SLC16A10: variants seen among roughly 807,000 people sequenced by gnomAD.
SLC16A10 encodes the protein solute carrier family 16 member 10.
Under a neutral mutation model 40.0 loss-of-function variants are expected in SLC16A10, and 27 were observed. That is an observed-to-expected ratio of 0.67 (90% CI 0.50 to 0.93). The LOEUF (loss-of-function observed/expected upper bound fraction) is 0.93, where lower values mean the gene tolerates loss of function less well. Among genes scored for constraint, SLC16A10 ranks in the 40% least tolerant of loss-of-function variants. SLC16A10 has a pLI of 0.00. For missense variants in SLC16A10, 529 were observed against 658.2 expected (o/e 0.80, Z 2.15); for synonymous variants, 213 against 249.8 (o/e 0.85, Z 1.39).
Position 111,222,011 on chromosome 6 carries a change from C to T in SLC16A10, c.1324C>T (p.Arg442Cys), listed in dbSNP as rs774929205. The change falls in exon 6 of 6, where the codon CGT (arginine) becomes TGT (cysteine). Residue 442 changes from arginine to cysteine, a missense_variant. Transcript: ENST00000368851. ...GCTTTTTCCCTTCTCAGGGTTACTT[C>T]GTGACAAACTGGGCTCCTATGATGT... The part of the protein sequence containing the change: ...TVGPPIAGLL[R>C]DKLGSYDVAF... 10 of 1,603,878 alleles carry T rather than the reference C, an allele frequency of 6.2e-6. No individual in the cohort carries two copies. The highest frequency in any genetic ancestry group is 1.8e-5 in the Admixed American group (1 of 56,842).
chr6:111,127,658 G>A (rs1482160318), intron 1 of SLC16A10, among the ~76,000 whole-genome samples: 1 of 152,180 alleles, frequency 6.6e-6, no homozygotes, highest in Non-Finnish European at 1.5e-5. Context: ...GTTCTTGCTG[G>A]TGTACTCCTA....
intron 1 of SLC16A10, among the ~76,000 whole-genome samples, chr6:111,147,425 G>T (rs956441772): frequency 2.6e-5 from 4 of 152,058 alleles, no homozygotes; most frequent in African/African-American, 9.7e-5. Flanking sequence ...CTCATGTTGG[G>T]TCCACCACAT....
intron 3 of SLC16A10, chr6:111,178,355 G>T (rs1470626086): frequency 3.8e-6 from 2 of 530,774 alleles, no homozygotes; most frequent in Admixed American, 3.9e-5. Flanking sequence ...AGGAAATTAG[G>T]ATTTCAAGTG....
At chr6:111,206,535 A>T in intron 3 of SLC16A10, 57 bp from the exon 4 acceptor site, 2 of 1,603,634 alleles carry the variant, frequency 1.2e-6, no homozygotes, top group Non-Finnish European at 1.7e-6. Context: ...GCAAAGCCTC[A>T]AATTTGTCAA....
At chr6:111,114,553 AAATTT>A (rs1194972105) in intron 1 of SLC16A10, among the ~76,000 whole-genome samples, 1 of 152,230 alleles carries the variant, frequency 6.6e-6, no homozygotes, top group Non-Finnish European at 1.5e-5. Context: ...AATTGAAGGT[AAATTT>A]AATTAAATTA....
At chr6:111,178,702 G>T in intron 3 of SLC16A10, 1 of 211,932 alleles carries the variant, frequency 4.7e-6, no homozygotes, top group South Asian at 6.6e-5. Context: ...AAATGGCATT[G>T]GCACACATAT....
At chr6:111,162,866 C>A (rs1485202430) in intron 1 of SLC16A10, among the ~76,000 whole-genome samples, 2 of 152,050 alleles carry the variant, frequency 1.3e-5, no homozygotes, top group African/African-American at 4.8e-5. Context: ...TCAGTACATT[C>A]TATTAACTCT....
At chr6:111,111,246 A>G (rs138028165) in intron 1 of SLC16A10, among the ~76,000 whole-genome samples, 1 of 152,336 alleles carries the variant, frequency 6.6e-6, no homozygotes, top group African/African-American at 2.4e-5. Flanking sequence ...ATAAAATTGT[A>G]TATTTAACAT....
intron 3 of SLC16A10, among the ~76,000 whole-genome samples, chr6:111,194,622 A>G (rs1447467314): frequency 1.4e-5 from 2 of 138,254 alleles, no homozygotes; most frequent in Non-Finnish European, 3.2e-5. Context: ...ATGCTGCCAC[A>G]TATTGATGAT....
intron 3 of SLC16A10, among the ~76,000 whole-genome samples, chr6:111,177,927 C>T (rs560719894): frequency 1.5e-4 from 23 of 152,122 alleles, no homozygotes; most frequent in Non-Finnish European, 2.5e-4. Context: ...TCTATGGTCC[C>T]AGCTACTAAG....
At chr6:111,116,643 A>G (rs1221751485) in intron 1 of SLC16A10, among the ~76,000 whole-genome samples, 1 of 152,228 alleles carries the variant, frequency 6.6e-6, no homozygotes, top group Admixed American at 6.5e-5. Flanking sequence ...AGCAACATGG[A>G]AGAACTTGGT....
chr6:111,130,430 T>C (rs190632222), intron 1 of SLC16A10, among the ~76,000 whole-genome samples: 10 of 152,370 alleles, frequency 6.6e-5, no homozygotes, highest in Admixed American at 5.9e-4. Flanking sequence ...TAAACAGTGC[T>C]TAGAAGCATC....
chr6:111,204,201 CT>C (rs1773218709), intron 3 of SLC16A10, among the ~76,000 whole-genome samples: 1 of 152,112 alleles, frequency 6.6e-6, no homozygotes, highest in Admixed American at 6.6e-5. Flanking sequence ...GGAAACAAGT[CT>C]GAGAGATTTA....
chr6:111,206,471 A>C (rs1773256717), intron 3 of SLC16A10, 121 bp from the exon 4 acceptor site: 5 of 989,142 alleles, frequency 5.1e-6, no homozygotes, highest in Non-Finnish European at 7.6e-6. Context: ...TAAATATTGA[A>C]ATTTGGAAAA....
chr6:111,131,284 G>T (rs1771777965), intron 1 of SLC16A10, among the ~76,000 whole-genome samples: 1 of 152,218 alleles, frequency 6.6e-6, no homozygotes, highest in African/African-American at 2.4e-5. Context: ...CATTGTTCCT[G>T]CACGGGCTAA....
At chr6:111,194,282 C>T (rs1330828823) in intron 3 of SLC16A10, among the ~76,000 whole-genome samples, 1 of 152,182 alleles carries the variant, frequency 6.6e-6, no homozygotes, top group Non-Finnish European at 1.5e-5. Context: ...TTATCTCCAT[C>T]TTGCAGGGAG....
intron 3 of SLC16A10, among the ~76,000 whole-genome samples, chr6:111,188,047 C>T (rs1162145437): frequency 1.3e-5 from 2 of 152,136 alleles, no homozygotes; most frequent in African/African-American, 4.8e-5. Context: ...TCTTGGTCCC[C>T]GTTACATGTC....
chr6:111,099,264 G>A (rs897816337), intron 1 of SLC16A10, among the ~76,000 whole-genome samples: 1 of 152,172 alleles, frequency 6.6e-6, no homozygotes, highest in Non-Finnish European at 1.5e-5. Flanking sequence ...GTATTTTTAT[G>A]CATAATTATA....
rs562588287 is a variant in SLC16A10 at position 111,211,668 on chromosome 6, G to A, written c.1086+4933G>A. The stretch of plus-strand genomic sequence containing the variant: ...ACGGACTCCACCTTGTGAACACAGC[G>A]GCACAGGACGCAACACAGGCCTAAC... On this transcript the variant is annotated intron_variant, in intron 4 of 5. Coordinates refer to ENST00000368851, the MANE Select transcript of SLC16A10 (RefSeq NM_018593.5). Among the ~76,000 whole-genome samples the A allele has an allele frequency of 5.3e-5, 8 of 152,302 alleles. No individual in the cohort carries two copies. In the East Asian group the frequency reaches 9.7e-4, roughly 18 times the overall value.
Sources: gnomAD v4.1 joint callset for allele counts (sites outside exome capture counted in the v4.1 genomes callset) on GRCh38, gnomAD v4.1.1 for gene constraint, MANE v1.5 for transcripts, NCBI Gene and HGNC (gene_info 2026-07-23, HGNC 2026-07-21) for gene names.